Variants in LYST observed in about 807,000 individuals in gnomAD.
The protein encoded by LYST is lysosomal-trafficking regulator.
In LYST, 192 loss-of-function variants were observed where a neutral mutation model predicts 413.6. The ratio of observed to expected loss-of-function variants is 0.46; its 90% CI spans 0.41 to 0.52. The LOEUF is 0.52. Among genes scored for constraint, LYST ranks in the 20% least tolerant of loss-of-function variants. The probability of loss-of-function intolerance (pLI) is 0.00; values close to 1 mark genes in which losing one functional copy is unlikely to be tolerated. For synonymous variants in LYST, 1,525 were observed against 1,567.3 expected, an observed-to-expected ratio of 0.97 and a Z score of 0.64; for missense variants, 3,815 against 4,499.9, an observed-to-expected ratio of 0.85 and a Z score of 4.35.
At chr1:235,837,393 T>A (rs1331351122) in intron 1 of LYST, among the ~76,000 whole-genome samples, 2 of 151,838 alleles carry the variant, frequency 1.3e-5, no homozygotes, top group African/African-American at 4.8e-5. Flanking sequence ...TTTGGGAAGG[T>A]GAGGTAGGCT....
chr1:235,791,213 C>T (rs1361387674), intron 12 of LYST, among the ~76,000 whole-genome samples: 12 of 151,570 alleles, frequency 7.9e-5, no homozygotes, highest in Admixed American at 3.9e-4. Context: ...ACCTGGGAGG[C>T]GGAGGTTGCA....
chr1:235,826,628 G>T (rs1461204194), intron 3 of LYST, among the ~76,000 whole-genome samples: 1 of 152,128 alleles, frequency 6.6e-6, no homozygotes, highest in Non-Finnish European at 1.5e-5. Context: ...CTAAGGTGGC[G>T]GAAATATTCT....
intron 48 of LYST, among the ~76,000 whole-genome samples, chr1:235,685,855 CAA>C (rs533623866): frequency 1.6e-4 from 20 of 128,448 alleles, no homozygotes; most frequent in African/African-American, 4.7e-4. Context: ...TAAAACAAAA[CAA>C]AAAAAAAAAA....
At chr1:235,797,560 T>C (rs1671683232) in intron 10 of LYST, among the ~76,000 whole-genome samples, 1 of 152,108 alleles carries the variant, frequency 6.6e-6, no homozygotes, top group South Asian at 2.1e-4. Flanking sequence ...GAAAATTGGA[T>C]ATTCACACGC....
In LYST at chr1:235,808,913, T is replaced by C. The variant is rs1428999996; in HGVS notation, c.1905A>G (p.Ala635=). The C allele has an allele frequency of 1.2e-6, 2 of 1,612,572 alleles. No individual in the cohort carries two copies. Among genetic ancestry groups the C allele is most frequent in the Middle Eastern group, 1.7e-4 (1 of 6,050 alleles). Residue 635 remains alanine, a synonymous_variant, in exon 5 of 53, where the codon GCA becomes GCG. Coordinates refer to ENST00000389793, the MANE Select transcript of LYST (RefSeq NM_000081.4). ...GAEISPKIKK[A]ACNICTVDSD... The stretch of plus-strand genomic sequence containing the variant: ...AGTCAACAGTACAAATATTACAAGC[T>C]GCTTTTTTAATTTTTGGTGATATCT...
At chr1:235,873,795 C>T (rs940100363) in intron 1 of LYST, among the ~76,000 whole-genome samples, 1 of 152,182 alleles carries the variant, frequency 6.6e-6, no homozygotes, top group African/African-American at 2.4e-5. Context: ...CAAACTAAAT[C>T]TGTCCTACAC....
intron 17 of LYST, 142 bp from the exon 18 acceptor site, chr1:235,775,228 G>A: frequency 4.4e-6 from 3 of 686,056 alleles, no homozygotes; most frequent in Non-Finnish European, 7.7e-6. Context: ...ACCTATGTAA[G>A]GCTTGTGAAT....
Position 235,693,429 on chromosome 1 carries a change from T to C in LYST, c.10622A>G (p.Tyr3541Cys), listed in dbSNP as rs1369698547. 5 of 1,613,156 alleles carry C rather than the reference T, an allele frequency of 3.1e-6. No homozygotes were observed. The highest frequency in any genetic ancestry group is 4.2e-6 in the Non-Finnish European group (5 of 1,179,068). Residue 3541 changes from tyrosine (Y) to cysteine (C), a missense_variant, in exon 47 of 53, where the codon TAT (tyrosine) becomes TGT (cysteine). Physicochemically the swap from Tyr to Cys is radical, Grantham distance 194. Transcript: ENST00000389793. The part of the protein sequence containing the change: ...IQWSAILSWG[Y>C]ADNILRLKSK... ...CTTCAACCTTAAAATATTATCAGCA[T>C]ATCCCCAGCTCAGGATGGCTGACCA...
chr1:235,773,866 G>A lies in LYST; in HGVS notation c.5760C>T (p.Asp1920=). ...DVKLLEELLL[D]WKIWSKAEQG... ...CCTCTGCTTTACTCCATATCTTCCA[G>A]TCAAGCAATAGTTCCTCTAACAGCT... is the stretch of plus-strand genomic sequence containing the variant. Residue 1920 remains aspartate, a synonymous_variant, in exon 19 of 53, where the codon GAC becomes GAT. Coordinates refer to ENST00000389793, the MANE Select transcript of LYST (RefSeq NM_000081.4). The A allele has an allele frequency of 3.1e-6, 5 of 1,612,680 alleles. No homozygotes were observed. The highest frequency in any genetic ancestry group is 4.2e-6 in the Non-Finnish European group (5 of 1,178,918).
intron 1 of LYST, among the ~76,000 whole-genome samples, chr1:235,861,778 C>T (rs1326521387): frequency 6.6e-6 from 1 of 152,224 alleles, no homozygotes; most frequent in Non-Finnish European, 1.5e-5. Flanking sequence ...AGGCACAAGC[C>T]ATGGCTCCTG....
rs149209695 is a variant in LYST, at chr1:235,662,237, T to C, written c.*703A>G. The C allele has an allele frequency of 3.9e-5, 6 of 152,916 alleles. No individual in the cohort carries two copies. Among genetic ancestry groups the C allele is most frequent in the African/African-American group, 1.4e-4 (6 of 41,596 alleles). 9.5% of individuals were successfully genotyped at this position (152,916 alleles called of 1,614,324 possible). ...TTACAGATTTTAAGTAAAATTTTTA[T>C]GAAGAAACAGAATGTGTCTGAAATC... On this transcript the variant is annotated 3_prime_UTR_variant, in exon 53 of 53. Coordinates refer to ENST00000389793, the MANE Select transcript of LYST (RefSeq NM_000081.4).
At chr1:235,860,415 C>T (rs1306991462) in intron 1 of LYST, among the ~76,000 whole-genome samples, 1 of 152,098 alleles carries the variant, frequency 6.6e-6, no homozygotes, top group African/African-American at 2.4e-5. Context: ...CTATGGGTAT[C>T]GACAAATGTA....
Position 235,780,853 on chromosome 1 carries a change from A to G in LYST, c.5214+12T>C, listed in dbSNP as rs1669796715. 2 of 1,240,762 alleles carry G rather than the reference A, an allele frequency of 1.6e-6. No homozygotes were observed. The highest frequency in any genetic ancestry group is 2.2e-6 in the Non-Finnish European group (2 of 891,134). 76.9% of individuals were successfully genotyped at this position (1,240,762 alleles called of 1,614,324 possible). The stretch of plus-strand genomic sequence containing the variant: ...TTACTATAAAATTAAAATTTATAAA[A>G]TTAAAACTTACAATTAAGAGACCAA... On this transcript the variant is annotated intron_variant, in intron 16 of 52. Transcript: ENST00000389793.
At chr1:235,792,698 T>C (rs1671143569) in intron 11 of LYST, among the ~76,000 whole-genome samples, 1 of 137,506 alleles carries the variant, frequency 7.3e-6, no homozygotes. Flanking sequence ...AGTTTAGCTC[T>C]TGTTGCCCAG....
chr1:235,681,290 A>G (rs1398582296), intron 48 of LYST, among the ~76,000 whole-genome samples: 1 of 152,156 alleles, frequency 6.6e-6, no homozygotes, highest in African/African-American at 2.4e-5. Flanking sequence ...AGAAAGTGGC[A>G]CTGCCAATGT....
rs554674473 is a variant in LYST at position 235,864,088 on chromosome 1, T to C, written c.-98+2755A>G. 6.6e-5 allele frequency among the ~76,000 whole-genome samples: 10 copies of C among 152,238 alleles called. No individual in the cohort carries two copies. The South Asian group carries it at 1.5e-3, about 22-fold the overall frequency. On this transcript the variant is annotated intron_variant, in intron 1 of 52. Coordinates refer to ENST00000389793, the MANE Select transcript of LYST (RefSeq NM_000081.4). ...TAGCCAGAATCCCCCTTATCCCTGA[T>C]GTTTCCTTTTAGCAATTTTCCATCC...
At chr1:235,837,222 A>T (rs1410223504) in intron 1 of LYST, among the ~76,000 whole-genome samples, 1 of 152,192 alleles carries the variant, frequency 6.6e-6, no homozygotes, top group African/African-American at 2.4e-5. Context: ...AACACAGGAG[A>T]CTGAGAAGGA....
chr1:235,687,591 G>A (rs1015407109), intron 47 of LYST, among the ~76,000 whole-genome samples: 15 of 152,098 alleles, frequency 9.9e-5, no homozygotes, highest in Admixed American at 2.0e-4. Flanking sequence ...TCCTAACCAT[G>A]GAGGCACCAC....
At chr1:235,878,745 G>A (rs1186424265) in intron 1 of LYST, among the ~76,000 whole-genome samples, 1 of 152,184 alleles carries the variant, frequency 6.6e-6, no homozygotes, top group Non-Finnish European at 1.5e-5. Flanking sequence ...AGGGTTTCCT[G>A]ATGGGATACA....
Sources: allele counts gnomAD v4.1 joint callset (sites outside exome capture counted in the v4.1 genomes callset), GRCh38; gene constraint gnomAD v4.1.1; transcripts MANE v1.5; gene names NCBI Gene and HGNC (gene_info 2026-07-23, HGNC 2026-07-21).